MXI1: variants seen among roughly 807,000 people sequenced by gnomAD.
MXI1 encodes MAX interactor 1, dimerization protein.
In MXI1, 18 loss-of-function variants were observed where a neutral mutation model predicts 36.9. The observed-to-expected ratio is 0.49, with a 90% CI of 0.34 to 0.72. The LOEUF is 0.72. Among genes scored for constraint, MXI1 ranks in the 30% least tolerant of loss-of-function variants. The pLI is 0.01. For synonymous variants in MXI1, 160 were observed against 146.7 expected (o/e 1.09, Z -0.65); for missense variants, 304 against 379.1 (o/e 0.80, Z 1.64).
intron 3 of MXI1, among the ~76,000 whole-genome samples, chr10:110,263,138 C>T (rs1164615438): frequency 2.6e-5 from 4 of 152,088 alleles, no homozygotes; most frequent in Non-Finnish European, 4.4e-5. Context: ...CTGCACCTTT[C>T]GTTAGATTCA....
intron 1 of MXI1, among the ~76,000 whole-genome samples, chr10:110,209,786 G>T (rs549428046): frequency 2.1e-4 from 32 of 152,164 alleles, no homozygotes; most frequent in African/African-American, 7.7e-4. Context: ...TTGCAGGGGG[G>T]AGGGGCGCGA....
intron 1 of MXI1, chr10:110,225,854 G>A (rs929390054): frequency 6.8e-6 from 2 of 292,164 alleles, no homozygotes; most frequent in East Asian, 3.5e-4. Flanking sequence ...GAACGCAGGC[G>A]CCCTGAAACG....
chr10:110,227,579 TG>T lies in MXI1; in HGVS notation c.275-602del, dbSNP rs143664187. 319 of 612,984 alleles carry T rather than the reference TG, an allele frequency of 5.2e-4. 4 individuals carry two copies. In the Middle Eastern group the frequency reaches 5.5e-3, roughly 10 times the overall value. 38.0% of individuals were successfully genotyped at this position (612,984 alleles called of 1,614,324 possible). ...TAAGAGGAAGGAGGAACACGGATGC[TG>T]GGGGGGGTCAGGGGAAGGGACGAGG... On this transcript the variant is annotated intron_variant, in intron 1 of 5. Coordinates refer to ENST00000332674, the MANE Select transcript of MXI1 (RefSeq NM_130439.3).
At chr10:110,260,419 GTGTGTGTGTGT>G (rs779576404) in intron 3 of MXI1, among the ~76,000 whole-genome samples, 648 of 8,132 alleles carry the variant, frequency 0.08, 5 homozygotes, top group South Asian at 0.42. Context: ...TGATACAGGT[GTGTGTGTGTGT>G]GTGTGTGTGT....
At chr10:110,238,119 A>T (rs1056025271) in intron 2 of MXI1, among the ~76,000 whole-genome samples, 1 of 152,132 alleles carries the variant, frequency 6.6e-6, no homozygotes, top group Non-Finnish European at 1.5e-5. Context: ...CATGAAACTC[A>T]CCCAAGTTTC....
At chr10:110,262,486 C>T (rs909909399) in intron 3 of MXI1, among the ~76,000 whole-genome samples, 1 of 152,066 alleles carries the variant, frequency 6.6e-6, no homozygotes, top group African/African-American at 2.4e-5. Flanking sequence ...CAGATGGATA[C>T]ACTTTTGTTA....
intron 3 of MXI1, among the ~76,000 whole-genome samples, chr10:110,268,760 G>GA (rs953391040): frequency 2.4e-4 from 34 of 141,208 alleles, no homozygotes; most frequent in Admixed American, 2.8e-4. Flanking sequence ...TTGTGGTCAG[G>GA]AAAAAAAAAA....
chr10:110,222,312 A>G (rs922015249), intron 1 of MXI1, among the ~76,000 whole-genome samples: 4 of 152,226 alleles, frequency 2.6e-5, no homozygotes, highest in African/African-American at 9.6e-5. Context: ...GTTTCAGGGA[A>G]GTTCTCCTAA....
chr10:110,267,231 A>T (rs1197808961), intron 3 of MXI1, among the ~76,000 whole-genome samples: 1 of 152,230 alleles, frequency 6.6e-6, no homozygotes, highest in African/African-American at 2.4e-5. Flanking sequence ...CTATATGGGG[A>T]CTTACTACCC....
chr10:110,237,837 G>A (rs1855526283), intron 2 of MXI1, among the ~76,000 whole-genome samples: 1 of 152,182 alleles, frequency 6.6e-6, no homozygotes, highest in Admixed American at 6.5e-5. Flanking sequence ...GTGCAGTGGT[G>A]AGATCAAAGC....
At chr10:110,220,126 G>A (rs916138841) in intron 1 of MXI1, among the ~76,000 whole-genome samples, 2 of 152,176 alleles carry the variant, frequency 1.3e-5, no homozygotes, top group Non-Finnish European at 2.9e-5. Flanking sequence ...TATGCTGTAG[G>A]GTCCAAGGGT....
At chr10:110,271,327 T>G (rs1344088855) in intron 3 of MXI1, among the ~76,000 whole-genome samples, 1 of 152,224 alleles carries the variant, frequency 6.6e-6, no homozygotes, top group Non-Finnish European at 1.5e-5. Context: ...ACCTCAACTT[T>G]GGTGAGTTAG....
At chr10:110,248,955 A>C (rs1341784946) in intron 3 of MXI1, among the ~76,000 whole-genome samples, 1 of 152,162 alleles carries the variant, frequency 6.6e-6, no homozygotes, top group Non-Finnish European at 1.5e-5. Context: ...TGGTAGACTT[A>C]GGATAGGGGA....
Position 110,210,310 on chromosome 10 carries a change from C to T in MXI1, c.274+2228C>T, listed in dbSNP as rs1175021004. The T allele has an allele frequency of 3.0e-6, 3 of 984,876 alleles. No individual in the cohort carries two copies. In the African/African-American group the frequency reaches 5.2e-5, roughly 17 times the overall value. 61.0% of individuals were successfully genotyped at this position (984,876 alleles called of 1,614,324 possible). A position where few individuals can be genotyped will look rare whatever the true frequency, so the allele number is the denominator to read the frequency against. On this transcript the variant is annotated intron_variant, in intron 1 of 5. Transcript: ENST00000332674. ...ACCTTAGCACCCAAGTCTAAGTCAA[C>T]TTCATGTGCGTAATAAGTCCCTCGG...
chr10:110,209,020 G>C (rs1854439378), intron 1 of MXI1, among the ~76,000 whole-genome samples: 1 of 81,244 alleles, frequency 1.2e-5, no homozygotes, highest in African/African-American at 5.0e-5. Context: ...CCAGATTCAC[G>C]TGGATAGTAG....
At chr10:110,281,502 A>T in intron 5 of MXI1, among the ~76,000 whole-genome samples, 1 of 152,156 alleles carries the variant, frequency 6.6e-6, no homozygotes, top group Middle Eastern at 3.2e-3. Context: ...TAAGATATTA[A>T]TCTATAATAA....
At chr10:110,255,557 T>G (rs1005925185) in intron 3 of MXI1, among the ~76,000 whole-genome samples, 10 of 152,154 alleles carry the variant, frequency 6.6e-5, no homozygotes, top group African/African-American at 2.4e-4. Context: ...AATAATTACA[T>G]GTACAATAGC....
At chr10:110,217,174 C>G (rs914074273) in intron 1 of MXI1, among the ~76,000 whole-genome samples, 1 of 152,136 alleles carries the variant, frequency 6.6e-6, no homozygotes, top group Admixed American at 6.5e-5. Context: ...ACAACATGCT[C>G]TTGGCCACAG....
intron 3 of MXI1, 108 bp from the exon 4 acceptor site, chr10:110,279,072 A>T (rs1857145177): frequency 2.5e-6 from 2 of 788,006 alleles, no homozygotes; most frequent in Admixed American, 2.4e-5. Flanking sequence ...TGTGACATCT[A>T]TCCTATAGGC....
Sources: gnomAD v4.1 joint callset for allele counts (sites outside exome capture counted in the v4.1 genomes callset) on GRCh38, gnomAD v4.1.1 for gene constraint, MANE v1.5 for transcripts, NCBI Gene and HGNC (gene_info 2026-07-23, HGNC 2026-07-21) for gene names.